OTUD7A: variants seen among roughly 807,000 people sequenced by gnomAD.
The protein encoded by OTUD7A is OTU domain-containing protein 7A.
Under a neutral mutation model 65.7 loss-of-function variants are expected in OTUD7A, and 12 were observed. That is an observed-to-expected ratio of 0.18 (90% CI 0.12 to 0.30). OTUD7A has a LOEUF of 0.30. Among genes scored for constraint, OTUD7A ranks in the 10% least tolerant of loss-of-function variants. The pLI, the probability that OTUD7A is intolerant of heterozygous loss-of-function variation, is 1.00. For missense variants in OTUD7A, 1,148 were observed against 1,304.8 expected (o/e 0.88, Z 1.85); for synonymous variants, 641 against 586.3 (o/e 1.09, Z -1.35).
chr15:31,513,465 G>T (rs1442791897), intron 8 of OTUD7A, among the ~76,000 whole-genome samples: 6 of 152,234 alleles, frequency 3.9e-5, no homozygotes, highest in African/African-American at 1.2e-4. Context: ...AAAGGTTCCT[G>T]CTCAGGATCA....
intron 3 of OTUD7A, among the ~76,000 whole-genome samples, chr15:31,599,416 CCTGA>C (rs1172600754): frequency 1.3e-5 from 2 of 152,156 alleles, no homozygotes; most frequent in African/African-American, 4.8e-5. Context: ...AGCAGAGGGG[CCTGA>C]CTGTCAGAAG....
intron 1 of OTUD7A, among the ~76,000 whole-genome samples, chr15:31,842,634 C>T (rs17604700): frequency 0.4 from 60,620 of 152,018 alleles, 14,438 homozygotes; most frequent in Non-Finnish European, 0.52. Flanking sequence ...ATATCACAAA[C>T]GCACTCTGAA....
At chr15:31,699,801 T>C (rs1893172140) in intron 1 of OTUD7A, among the ~76,000 whole-genome samples, 1 of 152,014 alleles carries the variant, frequency 6.6e-6, no homozygotes, top group Admixed American at 6.6e-5. Flanking sequence ...AACCACAGAC[T>C]TGTGAGCACT....
intron 1 of OTUD7A, among the ~76,000 whole-genome samples, chr15:31,692,833 C>T (rs1892986589): frequency 6.6e-6 from 1 of 150,822 alleles, no homozygotes; most frequent in Non-Finnish European, 1.5e-5. Flanking sequence ...GGTCCCCTGC[C>T]CACCTCTGGG....
intron 3 of OTUD7A, among the ~76,000 whole-genome samples, chr15:31,625,278 T>G (rs1282956458): frequency 6.6e-6 from 1 of 152,112 alleles, no homozygotes; most frequent in African/African-American, 2.4e-5. Context: ...ACGCTTGGAT[T>G]TATGAGCCTC....
rs117277624 is a variant in OTUD7A at position 31,797,220 on chromosome 15, G to A, written c.-100+73287C>T. 9.1e-3 allele frequency among the ~76,000 whole-genome samples: 1,382 copies of A among 152,272 alleles called. 12 individuals are homozygous for A. Among genetic ancestry groups the A allele is most frequent in the Non-Finnish European group, 0.014 (953 of 68,012 alleles). On this transcript the variant is annotated intron_variant, in intron 1 of 12. Transcript: ENST00000307050. ...TGCCTCTGAGACGTGATTCTAAACT[G>A]CCAACCCTCCCCAAAAAGCTGGGCG...
chr15:31,868,373 C>A (rs1897935210), intron 1 of OTUD7A, among the ~76,000 whole-genome samples: 3 of 152,168 alleles, frequency 2.0e-5, no homozygotes, highest in African/African-American at 7.2e-5. Context: ...CACGAGTCTA[C>A]AGGTGAAAAC....
At chr15:31,717,800 C>T (rs1329797736) in intron 1 of OTUD7A, among the ~76,000 whole-genome samples, 1 of 152,192 alleles carries the variant, frequency 6.6e-6, no homozygotes, top group Non-Finnish European at 1.5e-5. Flanking sequence ...GTTCTAGATC[C>T]TTGAGGAATT....
chr15:31,852,741 A>G (rs553729823), intron 1 of OTUD7A, among the ~76,000 whole-genome samples: 41 of 152,366 alleles, frequency 2.7e-4, no homozygotes, highest in African/African-American at 6.3e-4. Flanking sequence ...TGTGAAATCT[A>G]AACTAGATAA....
At chr15:31,799,204 G>A (rs1896054666) in intron 1 of OTUD7A, among the ~76,000 whole-genome samples, 1 of 152,224 alleles carries the variant, frequency 6.6e-6, no homozygotes, top group Non-Finnish European at 1.5e-5. Context: ...TGAACAGTGG[G>A]CTGTGCGGGC....
chr15:31,540,558 T>C (rs1163871312), intron 5 of OTUD7A, among the ~76,000 whole-genome samples: 1 of 152,186 alleles, frequency 6.6e-6, no homozygotes, highest in Non-Finnish European at 1.5e-5. Flanking sequence ...CAGTGTTCAA[T>C]TCTTAAAAAT....
At chr15:31,689,418 C>T (rs1892913426) in intron 1 of OTUD7A, 3 of 149,366 alleles carry the variant, frequency 2.0e-5, no homozygotes, top group East Asian at 2.0e-4. Context: ...AACACTGCGC[C>T]GTCCCTGCTG....
intron 5 of OTUD7A, chr15:31,558,718 G>T: frequency 1.7e-6 from 1 of 576,452 alleles, no homozygotes; most frequent in Non-Finnish European, 3.1e-6. Context: ...AAGGAGGACT[G>T]GGATTTAGGA....
chr15:31,694,155 C>T (rs1893020914), intron 1 of OTUD7A, among the ~76,000 whole-genome samples: 1 of 152,112 alleles, frequency 6.6e-6, no homozygotes. Flanking sequence ...GCTCAGAAGC[C>T]AGGACACTGC....
rs150639474 is a variant in OTUD7A at position 31,717,495 on chromosome 15, G to A, written c.-99-60418C>T. ...TATGAGTGAGAACATGCGATATTTG[G>A]TTTTCTGTTCCTGTGTTAGTTTGCT... On this transcript the variant is annotated intron_variant, in intron 1 of 12. Coordinates refer to ENST00000307050, the MANE Select transcript of OTUD7A (RefSeq NM_001382637.1). 9.0e-4 allele frequency among the ~76,000 whole-genome samples: 137 copies of A among 152,176 alleles called. 1 individual carries two copies. Among genetic ancestry groups the A allele is most frequent in the Middle Eastern group, 6.8e-3 (2 of 294 alleles).
chr15:31,623,915 C>T (rs1411912794), intron 3 of OTUD7A, among the ~76,000 whole-genome samples: 2 of 152,138 alleles, frequency 1.3e-5, no homozygotes, highest in Non-Finnish European at 2.9e-5. Context: ...ACTGCCCCAC[C>T]GATTTGATTT....
At chr15:31,761,991 G>C (rs779238748) in intron 1 of OTUD7A, among the ~76,000 whole-genome samples, 24 of 152,264 alleles carry the variant, frequency 1.6e-4, no homozygotes, top group Middle Eastern at 3.4e-3. Flanking sequence ...GCCTACAGAG[G>C]GGGGCATGTG....
intron 3 of OTUD7A, among the ~76,000 whole-genome samples, chr15:31,588,126 A>C (rs1037842613): frequency 3.3e-5 from 5 of 152,188 alleles, no homozygotes; most frequent in African/African-American, 1.2e-4. Context: ...AAACAAGTCA[A>C]ATGTTCATCA....
At chr15:31,696,159 G>A (rs1893078189) in intron 1 of OTUD7A, among the ~76,000 whole-genome samples, 1 of 145,310 alleles carries the variant, frequency 6.9e-6, no homozygotes, top group Non-Finnish European at 1.5e-5. Flanking sequence ...GGGCACAAGG[G>A]GCTGGGGGTG....
Sources: gnomAD v4.1 joint callset for allele counts (sites outside exome capture counted in the v4.1 genomes callset) on GRCh38, gnomAD v4.1.1 for gene constraint, MANE v1.5 for transcripts, NCBI Gene and HGNC (gene_info 2026-07-23, HGNC 2026-07-21) for gene names.